CNTLN: variants seen among roughly 807,000 people sequenced by gnomAD.
The protein encoded by CNTLN is centlein, centrosomal protein.
CNTLN carries 212 observed loss-of-function variants against 180.0 expected under a neutral mutation model. The observed-to-expected ratio is 1.18, with a 90% CI of 1.05 to 1.32. The LOEUF (loss-of-function observed/expected upper bound fraction) is 1.32. Among genes scored for constraint, CNTLN ranks in the 40% most tolerant of loss-of-function variants. The pLI is 0.00. For missense variants in CNTLN, 2,095 were observed against 1,610.9 expected (o/e 1.30, Z -5.14); for synonymous variants, 722 against 563.1 (o/e 1.28, Z -3.99).
Position 17,136,246 on chromosome 9 carries a change from A to G in CNTLN, c.360+821A>G, listed in dbSNP as rs370264679. Among the ~76,000 whole-genome samples the G allele has an allele frequency of 1.4e-4, 21 of 152,226 alleles. No homozygotes were observed. The East Asian group carries it at 3.8e-3, about 28-fold the overall frequency. ...ATTGGATGTGGGAAACTCACTGAAC[A>G]GTAGATCTTTAAGTCACTCTGTCTT... On this transcript the variant is annotated intron_variant, in intron 1 of 25. Coordinates refer to ENST00000380647, the MANE Select transcript of CNTLN (RefSeq NM_017738.4).
chr9:17,261,654 A>G (rs1480840586), intron 5 of CNTLN, among the ~76,000 whole-genome samples: 1 of 151,260 alleles, frequency 6.6e-6, no homozygotes, highest in Non-Finnish European at 1.5e-5. Flanking sequence ...TTTGTATGTC[A>G]TTTATTTTTT....
Position 17,301,960 on chromosome 9 carries a change from ATAATT to A in CNTLN, c.1146+3611_1146+3615del, listed in dbSNP as rs1818388023. On this transcript the variant is annotated intron_variant, in intron 7 of 25. Transcript: ENST00000380647. ...ACATATAACTATTTTAGATGGTCAT[ATAATT>A]TATTTTTCTACTGTTGGTTATATAT... The A allele has an allele frequency of 3.2e-6, 3 of 949,584 alleles. No homozygotes were observed. In the African/African-American group the frequency reaches 5.3e-5, roughly 17 times the overall value. 58.8% of individuals were successfully genotyped at this position (949,584 alleles called of 1,614,324 possible).
At chr9:17,520,560 C>T in the CNTLN span, among the ~76,000 whole-genome samples, 8 of 152,308 alleles carry the variant, frequency 5.3e-5, no homozygotes, top group Non-Finnish European at 7.3e-5. Flanking sequence ...CATGGCTCCC[C>T]GCTTGGAGGT....
intron 5 of CNTLN, among the ~76,000 whole-genome samples, chr9:17,241,545 T>C (rs1234798214): frequency 6.6e-6 from 1 of 152,184 alleles, no homozygotes; most frequent in Non-Finnish European, 1.5e-5. Context: ...TCTGGGTCTT[T>C]TGTGATTCCT....
At chr9:17,519,101 TTTA>T in the CNTLN span, among the ~76,000 whole-genome samples, 2 of 151,614 alleles carry the variant, frequency 1.3e-5, no homozygotes, top group African/African-American at 4.9e-5. Flanking sequence ...TATTTATTTA[TTTA>T]TTTTTTAAAG....
chr9:17,433,441 T>G (rs755893899), intron 18 of CNTLN, among the ~76,000 whole-genome samples: 1 of 151,838 alleles, frequency 6.6e-6, no homozygotes, highest in Non-Finnish European at 1.5e-5. Context: ...CCTGCCACCA[T>G]GCCTGGCTAA....
At chr9:17,368,370 C>T (rs935531520) in intron 13 of CNTLN, among the ~76,000 whole-genome samples, 2 of 152,274 alleles carry the variant, frequency 1.3e-5, no homozygotes, top group African/African-American at 4.8e-5. Context: ...TTTTACTCTA[C>T]TCCCTGGCTC....
intron 13 of CNTLN, 92 bp downstream of exon 13, chr9:17,366,809 C>T (rs1403817377): frequency 4.1e-6 from 3 of 731,870 alleles, no homozygotes; most frequent in Non-Finnish European, 2.3e-6. Flanking sequence ...AGAATCTTAC[C>T]CTTTTTGTTT....
intron 13 of CNTLN, among the ~76,000 whole-genome samples, chr9:17,374,825 A>G (rs1172001126): frequency 1.3e-5 from 2 of 151,326 alleles, no homozygotes; most frequent in Admixed American, 6.6e-5. Flanking sequence ...ATGCCACTGC[A>G]CTCCAGCCTG....
chr9:17,350,624 G>A lies in CNTLN; in HGVS notation c.1886+8180G>A, dbSNP rs532412554. 3.3e-5 allele frequency among the ~76,000 whole-genome samples: 5 copies of A among 152,222 alleles called. No homozygotes were observed. In the East Asian group the frequency reaches 9.7e-4, roughly 29 times the overall value. On this transcript the variant is annotated intron_variant, in intron 12 of 25. Coordinates refer to ENST00000380647, the MANE Select transcript of CNTLN (RefSeq NM_017738.4). ...GCTTAACAGACATGCATTTCTGATAGTTTTGGAGGCTGAGAAATTCAAGAT... is the reference window on the plus strand; with the variant it reads ...GCTTAACAGACATGCATTTCTGATAATTTTGGAGGCTGAGAAATTCAAGAT...
At chr9:17,271,750 A>G (rs1027779434) in intron 5 of CNTLN, among the ~76,000 whole-genome samples, 1 of 152,048 alleles carries the variant, frequency 6.6e-6, no homozygotes, top group Non-Finnish European at 1.5e-5. Flanking sequence ...TGTCATTTTT[A>G]CCTTCAGAAT....
In CNTLN at chr9:17,143,158, A is replaced by G. The variant is rs1586898580; in HGVS notation, c.361-130A>G. 17 of 615,808 alleles carry G rather than the reference A, an allele frequency of 2.8e-5. No homozygotes were observed. The East Asian group carries it at 4.8e-4, about 17-fold the overall frequency. The allele number at this position is 615,808 out of a possible 1,614,324, so 38.1% of individuals were successfully genotyped here. The stretch of plus-strand genomic sequence containing the variant: ...ATAAAGTTTTACCCCATTCCTTTAA[A>G]GAGAATCAGTTGATGTAGTTATACA... On this transcript the variant is annotated intron_variant, in intron 1 of 25. Transcript: ENST00000380647.
At chr9:17,321,584 A>G (rs1819915780) in intron 8 of CNTLN, among the ~76,000 whole-genome samples, 1 of 152,188 alleles carries the variant, frequency 6.6e-6, no homozygotes, top group Non-Finnish European at 1.5e-5. Context: ...GACGTGGAGA[A>G]AAAATGTCAG....
At chr9:17,262,607 G>A (rs1208952852) in intron 5 of CNTLN, among the ~76,000 whole-genome samples, 3 of 151,418 alleles carry the variant, frequency 2.0e-5, no homozygotes, top group South Asian at 2.1e-4. Context: ...AGAGCATTAC[G>A]ACAAATACCT....
chr9:17,385,843 G>T (rs1468769664), intron 13 of CNTLN, among the ~76,000 whole-genome samples: 2 of 152,134 alleles, frequency 1.3e-5, no homozygotes, highest in Non-Finnish European at 2.9e-5. Context: ...CTACATCAGG[G>T]ACTTGAGCAT....
chr9:17,261,386 C>T (rs1028414248), intron 5 of CNTLN, among the ~76,000 whole-genome samples: 6 of 151,372 alleles, frequency 4.0e-5, no homozygotes, highest in Non-Finnish European at 7.4e-5. Flanking sequence ...AAAGATCTTT[C>T]ACCTTCTTGT....
At chr9:17,321,700 C>G (rs183033160) in intron 8 of CNTLN, among the ~76,000 whole-genome samples, 6 of 152,240 alleles carry the variant, frequency 3.9e-5, no homozygotes, top group Admixed American at 3.9e-4. Flanking sequence ...GGGAGAAGAT[C>G]TGATTGTAGT....
chr9:17,167,992 T>C (rs2131629965), intron 2 of CNTLN: 1 of 152,210 alleles, frequency 6.6e-6, no homozygotes, highest in African/African-American at 2.4e-5. Flanking sequence ...TATAAAGCAG[T>C]CTGACAAGAT....
At chr9:17,498,038 A>G (rs1833550034) in intron 25 of CNTLN, among the ~76,000 whole-genome samples, 1 of 152,160 alleles carries the variant, frequency 6.6e-6, no homozygotes, top group African/African-American at 2.4e-5. Flanking sequence ...CTTTCAATAT[A>G]ACTCTAGATA....
Sources: gnomAD v4.1 joint callset for allele counts (sites outside exome capture counted in the v4.1 genomes callset) on GRCh38, gnomAD v4.1.1 for gene constraint, MANE v1.5 for transcripts, NCBI Gene and HGNC (gene_info 2026-07-23, HGNC 2026-07-21) for gene names.